The following SLC30A9 variants were observed in gnomAD, a reference collection of about 807,000 sequenced individuals.
SLC30A9 encodes the protein proton-coupled zinc antiporter SLC30A9, mitochondrial.
In SLC30A9, 58 loss-of-function variants were observed where a neutral mutation model predicts 87.5. That is an observed-to-expected ratio of 0.66 (90% CI 0.54 to 0.82). The LOEUF is 0.82. Among genes scored for constraint, SLC30A9 ranks in the 40% least tolerant of loss-of-function variants. The probability of loss-of-function intolerance (pLI) is 0.00; values close to 1 mark genes in which losing one functional copy is unlikely to be tolerated. For synonymous variants in SLC30A9, 234 were observed against 233.0 expected (o/e 1.00, Z -0.04); for missense variants, 557 against 679.1 (o/e 0.82, Z 2.00).
At chr4:42,042,644 G>T (rs548785263) in intron 8 of SLC30A9, among the ~76,000 whole-genome samples, 2 of 152,156 alleles carry the variant, frequency 1.3e-5, no homozygotes, top group African/African-American at 4.8e-5. Context: ...GGCTGTGGGC[G>T]CAGCTTCAGC....
chr4:42,063,817 A>G (rs1717970323), intron 11 of SLC30A9, among the ~76,000 whole-genome samples: 1 of 152,076 alleles, frequency 6.6e-6, no homozygotes, highest in South Asian at 2.1e-4. Flanking sequence ...GGCTGCCCAA[A>G]TTGATCACAT....
intron 17 of SLC30A9, among the ~76,000 whole-genome samples, chr4:42,082,361 G>A (rs762053223): frequency 6.6e-6 from 1 of 152,176 alleles, no homozygotes; most frequent in Non-Finnish European, 1.5e-5. Flanking sequence ...TGAAAATAAG[G>A]TGATTTCCTT....
At chr4:42,029,786 C>T (rs1222835652) in intron 6 of SLC30A9, 26 of 731,412 alleles carry the variant, frequency 3.6e-5, no homozygotes, top group East Asian at 7.7e-5. Context: ...CTAAGTCTCC[C>T]GAGAATGAGT....
At chr4:41,991,045 T>C (rs964519944) in intron 1 of SLC30A9, among the ~76,000 whole-genome samples, 3 of 152,236 alleles carry the variant, frequency 2.0e-5, no homozygotes, top group African/African-American at 7.2e-5. Context: ...CCAAACAAAA[T>C]GTTACGTGCG....
chr4:42,056,632 C>T (rs559177735), intron 9 of SLC30A9, among the ~76,000 whole-genome samples: 4 of 152,096 alleles, frequency 2.6e-5, no homozygotes, highest in Non-Finnish European at 5.9e-5. Flanking sequence ...CAGCCCCTCC[C>T]GAATCTCATG....
chr4:42,043,135 A>G (rs887689293), intron 8 of SLC30A9, among the ~76,000 whole-genome samples: 4 of 152,194 alleles, frequency 2.6e-5, no homozygotes, highest in Non-Finnish European at 4.4e-5. Flanking sequence ...CCAGTGCAAA[A>G]AGGCTGAAAA....
intron 8 of SLC30A9, among the ~76,000 whole-genome samples, chr4:42,045,488 A>T (rs1385335624): frequency 6.6e-6 from 1 of 152,090 alleles, no homozygotes; most frequent in Non-Finnish European, 1.5e-5. Context: ...TCCTGGACAC[A>T]CACACCCTCC....
At chr4:42,051,338 A>G (rs1425463333) in intron 9 of SLC30A9, among the ~76,000 whole-genome samples, 2 of 152,216 alleles carry the variant, frequency 1.3e-5, no homozygotes, top group Non-Finnish European at 2.9e-5. Flanking sequence ...GCAAAATCCA[A>G]ACACTCAGTA....
Position 42,083,769 on chromosome 4 carries a change from A to T in SLC30A9, c.1663-2313A>T, listed in dbSNP as rs574800566. 8.8e-4 allele frequency among the ~76,000 whole-genome samples: 133 copies of T among 151,750 alleles called. 1 individual carries two copies. Among genetic ancestry groups the T allele is most frequent in the Admixed American group, 1.4e-3 (22 of 15,218 alleles). ...ATTTAGTTTCATTTCTGTTTGGAGA[A>T]TTTTTTTTTAATTCTATATTGAGTT... On this transcript the variant is annotated intron_variant, in intron 17 of 17. Transcript: ENST00000264451.
intron 17 of SLC30A9, among the ~76,000 whole-genome samples, chr4:42,083,962 A>G (rs1718829360): frequency 1.3e-5 from 2 of 152,204 alleles, no homozygotes; most frequent in Admixed American, 1.3e-4. Flanking sequence ...CCCTGTGTGC[A>G]CTCAGTAGAG....
intron 9 of SLC30A9, among the ~76,000 whole-genome samples, chr4:42,058,398 CTAGG>C (rs1331478943): frequency 1.3e-5 from 2 of 152,216 alleles, no homozygotes; most frequent in Non-Finnish European, 2.9e-5. Context: ...CAACAAGTCT[CTAGG>C]AAATTCCAAA....
At chr4:42,022,801 C>A in intron 4 of SLC30A9, 37 bp from the exon 5 acceptor site, 2 of 1,281,954 alleles carry the variant, frequency 1.6e-6, no homozygotes, top group South Asian at 1.3e-5. Context: ...ACTATATGCA[C>A]TTTGTCTGAA....
At chr4:42,065,465 C>A in intron 12 of SLC30A9, 116 bp downstream of exon 12, 2 of 674,670 alleles carry the variant, frequency 3.0e-6, no homozygotes, top group South Asian at 1.6e-5. Flanking sequence ...TGGGAATAGG[C>A]ATCTAAGCTT....
intron 1 of SLC30A9, among the ~76,000 whole-genome samples, chr4:41,996,977 T>C (rs1317169498): frequency 6.6e-6 from 1 of 151,500 alleles, no homozygotes; most frequent in Non-Finnish European, 1.5e-5. Context: ...GAGGTTGCAG[T>C]GAGCTGAGAT....
intron 17 of SLC30A9, among the ~76,000 whole-genome samples, chr4:42,079,006 C>G (rs529178105): frequency 3.2e-4 from 49 of 152,206 alleles, no homozygotes; most frequent in African/African-American, 1.1e-3. Context: ...CTCTACTTTT[C>G]AAGTTTTCCT....
intron 8 of SLC30A9, among the ~76,000 whole-genome samples, chr4:42,039,377 A>T (rs1302400519): frequency 2.0e-5 from 3 of 152,180 alleles, no homozygotes; most frequent in African/African-American, 4.8e-5. Flanking sequence ...CCTGGGTTAC[A>T]GCTACTGAAG....
chr4:42,060,573 A>G (rs1278879300), intron 10 of SLC30A9, among the ~76,000 whole-genome samples: 1 of 152,164 alleles, frequency 6.6e-6, no homozygotes, highest in East Asian at 1.9e-4. Context: ...CTAGATTTAG[A>G]CTCATAGGCT....
At chr4:42,022,773 T>A (rs553490405) in intron 4 of SLC30A9, 65 bp from the exon 5 acceptor site, 1 of 860,234 alleles carries the variant, frequency 1.2e-6, no homozygotes, top group African/African-American at 1.7e-5. Context: ...CCCTTAGTAA[T>A]CCTCTTTAAG....
At chr4:42,019,992 G>A (rs1483287076) in intron 3 of SLC30A9, among the ~76,000 whole-genome samples, 1 of 151,836 alleles carries the variant, frequency 6.6e-6, no homozygotes, top group Non-Finnish European at 1.5e-5. Flanking sequence ...TAGAGACAGG[G>A]TTTCACCATG....
Sources: allele counts gnomAD v4.1 joint callset (sites outside exome capture counted in the v4.1 genomes callset), GRCh38; gene constraint gnomAD v4.1.1; transcripts MANE v1.5; gene names NCBI Gene and HGNC (gene_info 2026-07-23, HGNC 2026-07-21).